The following MROH2B variants were observed in gnomAD, a reference collection of about 807,000 sequenced individuals.
MROH2B encodes maestro heat like repeat family member 2B, also known as maestro heat-like repeat-containing protein family member 2B.
Under a neutral mutation model 208.6 loss-of-function variants are expected in MROH2B, and 177 were observed. The observed-to-expected ratio is 0.85, with a 90% CI of 0.75 to 0.96. The LOEUF is 0.96. Among genes scored for constraint, MROH2B ranks in the 40% least tolerant of loss-of-function variants. MROH2B has a pLI of 0.00. For missense variants in MROH2B, 2,002 were observed against 1,878.7 expected, an observed-to-expected ratio of 1.07 and a Z score of -1.21; for synonymous variants, 728 against 659.0, an observed-to-expected ratio of 1.10 and a Z score of -1.60.
intron 13 of MROH2B, 28 bp from the exon 14 acceptor site, chr5:41,049,464 A>T (rs1403861566): frequency 3.8e-6 from 6 of 1,594,350 alleles, no homozygotes; most frequent in Non-Finnish European, 4.3e-6. Context: ...TGATGCAAGG[A>T]TTGCTTATTC....
At chr5:41,030,285 T>C (rs925385300) in intron 24 of MROH2B, among the ~76,000 whole-genome samples, 1 of 151,966 alleles carries the variant, frequency 6.6e-6, no homozygotes, top group East Asian at 1.9e-4. Context: ...CCCATTAGAA[T>C]GGGTATAAAA....
At chr5:41,026,247 T>A (rs1300759250) in intron 24 of MROH2B, among the ~76,000 whole-genome samples, 1 of 152,192 alleles carries the variant, frequency 6.6e-6, no homozygotes, top group Non-Finnish European at 1.5e-5. Flanking sequence ...AGTCAAGTTG[T>A]CCCTGTTTGC....
chr5:41,013,350 G>A (rs998266856), intron 29 of MROH2B, among the ~76,000 whole-genome samples: 37 of 152,260 alleles, frequency 2.4e-4, no homozygotes, highest in African/African-American at 8.2e-4. Flanking sequence ...ATGCTTGGTC[G>A]ATAGCAGTGT....
At chr5:41,059,227 G>T (rs796397604) in intron 6 of MROH2B, among the ~76,000 whole-genome samples, 101 of 151,928 alleles carry the variant, frequency 6.6e-4, no homozygotes, top group African/African-American at 2.4e-3. Context: ...CTAGAATCTT[G>T]CTGCCATTCA....
chr5:41,034,933 GA>G (rs1305557217), intron 21 of MROH2B, among the ~76,000 whole-genome samples: 1 of 152,030 alleles, frequency 6.6e-6, no homozygotes, highest in Non-Finnish European at 1.5e-5. Flanking sequence ...AAACACTGCT[GA>G]AAGAAATCAG....
At chr5:41,005,977 G>A (rs967906359) in intron 34 of MROH2B, among the ~76,000 whole-genome samples, 1 of 148,856 alleles carries the variant, frequency 6.7e-6, no homozygotes, top group Non-Finnish European at 1.5e-5. Context: ...GTTGCAGTCA[G>A]CCGAGATCGC....
At position 40,998,133 on chromosome 5, in the gene MROH2B, C is replaced by A. The variant is rs722575; in HGVS notation, c.4677G>T (p.Pro1559=). ...CAGCTGCTCTCTGGACACTAATACA[C>A]GGATCTTGACGAAGTGCTTGGAGTC... ...TTRLQALRQD[P]CISVQRAAEA... is the part of the protein sequence containing the mutation. The change falls in exon 42 of 42, where the codon CCG becomes CCT. Residue 1559 remains proline, a synonymous_variant. Transcript: ENST00000399564. The A allele has an allele frequency of 2.7e-5, 44 of 1,610,450 alleles. 1 individual carries two copies. In the Admixed American group the frequency reaches 4.0e-4, roughly 15 times the overall value.
intron 2 of MROH2B, among the ~76,000 whole-genome samples, chr5:41,069,218 A>T (rs1017812092): frequency 6.6e-6 from 1 of 152,138 alleles, no homozygotes; most frequent in African/African-American, 2.4e-5. Context: ...CTAGCATTTT[A>T]CTTCCCAGAT....
At chr5:41,062,872 G>A (rs1304258365) in intron 5 of MROH2B, among the ~76,000 whole-genome samples, 1 of 152,048 alleles carries the variant, frequency 6.6e-6, no homozygotes, top group African/African-American at 2.4e-5. Flanking sequence ...GTACATGTGT[G>A]TATGTTTCTA....
chr5:41,070,898 GA>G lies in MROH2B; in HGVS notation c.-47del, dbSNP rs1201563454. On this transcript the variant is annotated 5_prime_UTR_variant, in exon 1 of 42. It introduces an in-frame stop codon into an upstream open reading frame of the 5' UTR. Coordinates refer to ENST00000399564, the MANE Select transcript of MROH2B (RefSeq NM_173489.5). ...TCTAAAAGATAGCACCTAAGTATTA[GA>G]AATAGTAAGGCTAAAAAATCAAAGA... 5 of 1,592,296 alleles carry G rather than the reference GA, an allele frequency of 3.1e-6. No individual in the cohort carries two copies. The highest frequency in any genetic ancestry group is 3.5e-5 in the Admixed American group (2 of 57,840).
In MROH2B at chr5:41,015,368, C is replaced by T; in HGVS notation, c.2982+13G>A. On this transcript the variant is annotated intron_variant, in intron 29 of 41. Coordinates refer to ENST00000399564, the MANE Select transcript of MROH2B (RefSeq NM_173489.5). ...AGAATCTTTACATCCCCTGGCCACT[C>T]CATATTTATTACCTTAGCTATTTTA... 1.9e-6 allele frequency: 3 copies of T among 1,609,140 alleles called. No individual in the cohort carries two copies. Among genetic ancestry groups the T allele is most frequent in the Non-Finnish European group, 2.6e-6 (3 of 1,176,186 alleles).
At chr5:41,041,680 A>G (rs907417956) in intron 19 of MROH2B, among the ~76,000 whole-genome samples, 4 of 152,122 alleles carry the variant, frequency 2.6e-5, no homozygotes, top group African/African-American at 4.8e-5. Flanking sequence ...ACATTTATAT[A>G]TACTCTATAG....
chr5:41,000,815 A>G lies in MROH2B; in HGVS notation c.4213T>C (p.Leu1405=), dbSNP rs1741374276. 3 of 1,611,192 alleles carry G rather than the reference A, an allele frequency of 1.9e-6. No homozygotes were observed. Among genetic ancestry groups the G allele is most frequent in the Non-Finnish European group, 2.5e-6 (3 of 1,178,792 alleles). ...FFEDEQDDVR[L]TAIFLFEDLA... ...TCCTCAAATAAGAAGATGGCAGTCA[A>G]TCTCACATCATCCTGCTCCTGTGGT... The change falls in exon 38 of 42, where the codon TTG becomes CTG. Residue 1405 remains leucine (L), a synonymous_variant. Coordinates refer to ENST00000399564, the MANE Select transcript of MROH2B (RefSeq NM_173489.5).
rs549328734 is a variant in MROH2B, at chr5:41,006,718, T to C, written c.3749+596A>G. 1.2e-4 allele frequency among the ~76,000 whole-genome samples: 19 copies of C among 152,318 alleles called. No homozygotes were observed. In the East Asian group the frequency reaches 3.5e-3, roughly 28 times the overall value. ...GATGGAATTGGAGACTATTATTCTA[T>C]GTGAAGTAACTTGGGAATGGAAAAC... On this transcript the variant is annotated intron_variant, in intron 34 of 41. Transcript: ENST00000399564.
At chr5:41,024,192 C>T (rs1427575015) in intron 24 of MROH2B, among the ~76,000 whole-genome samples, 1 of 152,064 alleles carries the variant, frequency 6.6e-6, no homozygotes, top group African/African-American at 2.4e-5. Context: ...CAATATTAAC[C>T]TTAAATGTAA....
Position 41,063,096 on chromosome 5 carries a change from G to A in MROH2B, c.461-1372C>T, listed in dbSNP as rs147356952. Among the ~76,000 whole-genome samples the A allele has an allele frequency of 1.9e-3, 287 of 152,256 alleles. 1 individual carries two copies. Among genetic ancestry groups the A allele is most frequent in the African/African-American group, 6.2e-3 (258 of 41,554 alleles). ...GGCAAAAAGGTGATTTAAGATCAAA[G>A]GGCACTTAGATAATTTTATAACACA... On this transcript the variant is annotated intron_variant, in intron 5 of 41. Coordinates refer to ENST00000399564, the MANE Select transcript of MROH2B (RefSeq NM_173489.5).
Position 41,048,375 on chromosome 5 carries a change from A to G in MROH2B, c.1633T>C (p.Leu545=), listed in dbSNP as rs199537835. 3.5e-4 allele frequency: 569 copies of G among 1,613,664 alleles called. No individual in the cohort carries two copies. Among genetic ancestry groups the G allele is most frequent in the Admixed American group, 5.7e-4 (34 of 59,980 alleles). Residue 545 remains leucine (L), a synonymous_variant, in exon 16 of 42, where the codon TTG becomes CTG. Transcript: ENST00000399564. ...KILPEIIHPK[L]VDLWKTRLPE... is the part of the protein sequence containing the mutation. ...AAACGTGTTTTCCATAGGTCTACCAATTTTGGGTGAATTATCTCAGGCAGT... is the reference window on the plus strand; with the variant it reads ...AAACGTGTTTTCCATAGGTCTACCAGTTTTGGGTGAATTATCTCAGGCAGT...
intron 24 of MROH2B, among the ~76,000 whole-genome samples, chr5:41,021,411 G>A (rs968326988): frequency 6.6e-6 from 1 of 152,048 alleles, no homozygotes; most frequent in East Asian, 1.9e-4. Context: ...AAAATACCAA[G>A]GGTGCTTTTT....
In MROH2B at chr5:41,004,315, G is replaced by C. The variant is rs549067150; in HGVS notation, c.4194+31C>G. On this transcript the variant is annotated intron_variant, in intron 37 of 41. Coordinates refer to ENST00000399564, the MANE Select transcript of MROH2B (RefSeq NM_173489.5). ...ACCTGTTTCTGTTCACTCACTTCTGGGGAGGGAAGTTCCTAAACAGGCTCA... is the reference window on the plus strand; with the variant it reads ...ACCTGTTTCTGTTCACTCACTTCTGCGGAGGGAAGTTCCTAAACAGGCTCA... 23 of 1,603,522 alleles carry C rather than the reference G, an allele frequency of 1.4e-5. No homozygotes were observed. The South Asian group carries it at 2.3e-4, about 16-fold the overall frequency.
Sources: gnomAD v4.1 joint callset for allele counts (sites outside exome capture counted in the v4.1 genomes callset) on GRCh38, gnomAD v4.1.1 for gene constraint, MANE v1.5 for transcripts, NCBI Gene and HGNC (gene_info 2026-07-23, HGNC 2026-07-21) for gene names.